The following ZNF280D variants were observed in gnomAD, a reference collection of about 807,000 sequenced individuals.
ZNF280D encodes the protein suppressor of hairy wing homolog 4.
Under a neutral mutation model 94.7 loss-of-function variants are expected in ZNF280D, and 39 were observed. That is an observed-to-expected ratio of 0.41 (90% CI 0.32 to 0.54). The LOEUF is 0.54. Among genes scored for constraint, ZNF280D ranks in the 20% least tolerant of loss-of-function variants. ZNF280D has a pLI of 0.22. For synonymous variants in ZNF280D, 398 were observed against 377.6 expected (o/e 1.05, Z -0.63); for missense variants, 1,090 against 1,149.3 (o/e 0.95, Z 0.75).
rs1026401784 is a variant in ZNF280D, at chr15:56,689,508, A to T, written c.500-38T>A. The T allele has an allele frequency of 6.6e-6, 8 of 1,220,686 alleles. No homozygotes were observed. In the Admixed American group the frequency reaches 1.2e-4, roughly 19 times the overall value. The allele number at this position is 1,220,686 out of a possible 1,614,324, so 75.6% of individuals were successfully genotyped here. A position where few individuals can be genotyped will look rare whatever the true frequency, so the allele number is the denominator to read the frequency against. ...AAATAGTGAGAAAAATATTTTTTAA[A>T]ATTAGAATATTATTTACATCTGAGT... On this transcript the variant is annotated intron_variant, in intron 7 of 21. Transcript: ENST00000267807.
At chr15:56,686,973 G>A (rs2056066941) in intron 9 of ZNF280D, among the ~76,000 whole-genome samples, 1 of 151,382 alleles carries the variant, frequency 6.6e-6, no homozygotes, top group South Asian at 2.1e-4. Flanking sequence ...TCCATTGAAA[G>A]AAAACATTAT....
At chr15:56,661,710 C>T (rs914046316) in intron 16 of ZNF280D, among the ~76,000 whole-genome samples, 2 of 152,104 alleles carry the variant, frequency 1.3e-5, no homozygotes, top group African/African-American at 4.8e-5. Context: ...TTGTTTATCA[C>T]AATAACCTAG....
intron 17 of ZNF280D, among the ~76,000 whole-genome samples, chr15:56,658,062 G>T (rs1402673839): frequency 6.6e-6 from 1 of 152,060 alleles, no homozygotes; most frequent in Non-Finnish European, 1.5e-5. Flanking sequence ...GATGAATTTT[G>T]AAAACATTAT....
intron 16 of ZNF280D, 93 bp downstream of exon 16, chr15:56,666,302 A>G: frequency 7.2e-7 from 1 of 1,381,574 alleles, no homozygotes; most frequent in Non-Finnish European, 1.0e-6. Flanking sequence ...TTGAAGAGAA[A>G]AACTGGCTTC....
intron 5 of ZNF280D, 30 bp downstream of exon 5, chr15:56,701,143 T>G: frequency 1.9e-6 from 3 of 1,600,266 alleles, no homozygotes; most frequent in Non-Finnish European, 2.6e-6. Context: ...TACTTCACTT[T>G]AAAATTAAAA....
intron 16 of ZNF280D, among the ~76,000 whole-genome samples, chr15:56,659,175 T>TA (rs35057161): frequency 0.55 from 50,873 of 93,016 alleles, 14,019 homozygotes; most frequent in Non-Finnish European, 0.61. Context: ...TGTTTTTTAT[T>TA]AAAAAAAAAA....
chr15:56,732,788 G>A (rs1025387619), intron 1 of ZNF280D: 1 of 152,212 alleles, frequency 6.6e-6, no homozygotes, highest in Admixed American at 6.5e-5. Flanking sequence ...CTCAGAGTGA[G>A]ATCATTCTTT....
chr15:56,653,710 A>C (rs1387078688), intron 19 of ZNF280D: 7 of 1,325,550 alleles, frequency 5.3e-6, no homozygotes, highest in Middle Eastern at 2.0e-4. Context: ...AAACAGACAA[A>C]AGACAAACAG....
intron 20 of ZNF280D, among the ~76,000 whole-genome samples, chr15:56,642,207 T>C (rs554346534): frequency 2.0e-5 from 3 of 151,832 alleles, no homozygotes; most frequent in Non-Finnish European, 4.4e-5. Context: ...TTAAAGAAAT[T>C]TGTAGTTGAA....
At chr15:56,679,583 G>T (rs1358658321) in intron 10 of ZNF280D, among the ~76,000 whole-genome samples, 1 of 152,096 alleles carries the variant, frequency 6.6e-6, no homozygotes. Context: ...ATGGCAGAGG[G>T]TGCAATATAA....
At chr15:56,652,654 G>C in intron 19 of ZNF280D, 1 of 985,236 alleles carries the variant, frequency 1.0e-6, no homozygotes, top group Non-Finnish European at 1.2e-6. Context: ...TTTACCCAAA[G>C]GAGCTACATT....
At chr15:56,713,152 T>C (rs2057862118) in intron 1 of ZNF280D, among the ~76,000 whole-genome samples, 1 of 152,156 alleles carries the variant, frequency 6.6e-6, no homozygotes, top group Admixed American at 6.5e-5. Flanking sequence ...CTCCCCACCA[T>C]ACAAATGTTT....
chr15:56,664,677 A>T (rs1181168413), intron 16 of ZNF280D, among the ~76,000 whole-genome samples: 1 of 152,224 alleles, frequency 6.6e-6, no homozygotes, highest in Admixed American at 6.6e-5. Context: ...TGTTGCAGGT[A>T]AAAATAAAGA....
intron 10 of ZNF280D, 44 bp downstream of exon 10, chr15:56,682,210 A>T (rs1354722775): frequency 7.5e-7 from 1 of 1,336,090 alleles, no homozygotes. Context: ...TTTTATTTGC[A>T]GCATTTCAAT....
chr15:56,724,980 T>A, intron 1 of ZNF280D: 1 of 401,968 alleles, frequency 2.5e-6, no homozygotes. Context: ...GAGAGTCAGA[T>A]AATCTTAAAC....
chr15:56,708,723 T>C (rs891693722), intron 1 of ZNF280D, among the ~76,000 whole-genome samples: 2 of 152,168 alleles, frequency 1.3e-5, no homozygotes, highest in African/African-American at 2.4e-5. Flanking sequence ...AACCATCTGA[T>C]CTTTGACAAA....
intron 1 of ZNF280D, among the ~76,000 whole-genome samples, chr15:56,710,190 G>C (rs889218881): frequency 6.6e-6 from 1 of 152,166 alleles, no homozygotes; most frequent in Non-Finnish European, 1.5e-5. Context: ...ATCACCTGAG[G>C]TCAGGAGTTC....
intron 13 of ZNF280D, among the ~76,000 whole-genome samples, chr15:56,669,879 A>ATATATAT (rs1413416385): frequency 0.068 from 692 of 10,228 alleles, 126 homozygotes; most frequent in Non-Finnish European, 0.11. Flanking sequence ...TATTTTATAT[A>ATATATAT]TATATATATT....
At chr15:56,719,366 A>AG (rs1555427411) in intron 1 of ZNF280D, among the ~76,000 whole-genome samples, 5 of 151,338 alleles carry the variant, frequency 3.3e-5, no homozygotes, top group Non-Finnish European at 7.4e-5. Context: ...CCAAAAAAAA[A>AG]GCCTGGCACC....
Sources: gnomAD v4.1 joint callset for allele counts (sites outside exome capture counted in the v4.1 genomes callset) on GRCh38, gnomAD v4.1.1 for gene constraint, MANE v1.5 for transcripts, NCBI Gene and HGNC (gene_info 2026-07-23, HGNC 2026-07-21) for gene names.